Variants in ANK2 observed in about 807,000 individuals in gnomAD.
ANK2 encodes the protein ankyrin-2.
Under a neutral mutation model 360.5 loss-of-function variants are expected in ANK2, and 83 were observed. The ratio of observed to expected loss-of-function variants is 0.23; its 90% CI spans 0.19 to 0.28. The LOEUF is 0.28. Ranked by LOEUF, ANK2 falls within the 10% of genes least tolerant of loss-of-function variation. The pLI is 1.00. For synonymous variants in ANK2, 1,740 were observed against 1,759.5 expected, an observed-to-expected ratio of 0.99 and a Z score of 0.28; for missense variants, 4,201 against 4,795.7, an observed-to-expected ratio of 0.88 and a Z score of 3.66.
intron 11 of ANK2, among the ~76,000 whole-genome samples, chr4:113,256,695 C>T (rs146676615): frequency 1.1e-4 from 17 of 152,254 alleles, no homozygotes; most frequent in Admixed American, 5.2e-4. Flanking sequence ...TATGTGTTTA[C>T]ATGGTTTGTG....
intron 39 of ANK2, among the ~76,000 whole-genome samples, chr4:113,361,983 C>T (rs576825104): frequency 1.3e-5 from 2 of 152,196 alleles, no homozygotes; most frequent in South Asian, 4.2e-4. Flanking sequence ...AGCCGTGTGC[C>T]TCAGAAGTAA....
intron 4 of ANK2, among the ~76,000 whole-genome samples, chr4:113,212,214 T>G (rs1055644382): frequency 2.6e-4 from 40 of 152,348 alleles, no homozygotes; most frequent in African/African-American, 9.6e-4. Context: ...ATGAAAATTG[T>G]AATCTGTATT....
At chr4:112,811,543 A>G in the ANK2 span, among the ~76,000 whole-genome samples, 5 of 152,156 alleles carry the variant, frequency 3.3e-5, no homozygotes, top group African/African-American at 1.2e-4. Flanking sequence ...CTCTATTATA[A>G]AGTTACGATT....
intron 1 of ANK2, among the ~76,000 whole-genome samples, chr4:113,129,094 T>C (rs994805549): frequency 6.6e-6 from 1 of 152,032 alleles, no homozygotes; most frequent in Non-Finnish European, 1.5e-5. Context: ...AAATAACTAA[T>C]AAAAACAAAT....
At chr4:112,827,706 C>T in intron 1 of ANK2, 1 of 564,952 alleles carries the variant, frequency 1.8e-6, no homozygotes, top group Non-Finnish European at 3.2e-6. Flanking sequence ...GGAACATAAT[C>T]ACCAATATGA....
intron 1 of ANK2, among the ~76,000 whole-genome samples, chr4:113,109,667 C>T (rs970355387): frequency 6.6e-6 from 1 of 152,168 alleles, no homozygotes; most frequent in Admixed American, 6.6e-5. Flanking sequence ...GCTTGCTTAT[C>T]TTTCAGTGGT....
Position 113,232,218 on chromosome 4 carries a change from T to C in ANK2, c.442T>C (p.Tyr148His). ...AGAGAATCACATTGATGTTGTAAAA[T>C]ATTTGCTGGAAAATGGAGCTAATCA... ...AQENHIDVVK[Y>H]LLENGANQST... is the part of the protein sequence containing the mutation. Residue 148 changes from tyrosine to histidine, a missense_variant, in exon 5 of 46, where the codon TAT becomes CAT. Physicochemically the swap from Tyr to His is moderately conservative, Grantham distance 83 (BLOSUM62 2). Coordinates refer to ENST00000357077, the MANE Select transcript of ANK2 (RefSeq NM_001148.6). 3 of 1,608,480 alleles carry C rather than the reference T, an allele frequency of 1.9e-6. No individual in the cohort carries two copies. The highest frequency in any genetic ancestry group is 1.3e-5 in the African/African-American group (1 of 74,928).
chr4:113,131,133 T>A (rs1189687366), intron 1 of ANK2, among the ~76,000 whole-genome samples: 1 of 152,212 alleles, frequency 6.6e-6, no homozygotes, highest in East Asian at 1.9e-4. Context: ...CTAATCCTCC[T>A]GTTTTCAATT....
intron 1 of ANK2, chr4:113,174,009 A>T (rs2098097128): frequency 5.2e-6 from 1 of 192,504 alleles, no homozygotes; most frequent in African/African-American, 2.4e-5. Flanking sequence ...CAGTAGCTTT[A>T]ATTTCTTTAG....
intron 1 of ANK2, among the ~76,000 whole-genome samples, chr4:113,069,546 T>C (rs1346277748): frequency 6.6e-6 from 1 of 152,248 alleles, no homozygotes; most frequent in Non-Finnish European, 1.5e-5. Flanking sequence ...AATTACCTTT[T>C]GCCTTTGGCA....
intron 2 of ANK2, among the ~76,000 whole-genome samples, chr4:113,029,664 A>G (rs966006457): frequency 6.6e-6 from 1 of 152,064 alleles, no homozygotes; most frequent in African/African-American, 2.4e-5. Context: ...AATTGAAGTG[A>G]ACTGCTCAGA....
intron 1 of ANK2, among the ~76,000 whole-genome samples, chr4:113,061,013 G>A (rs2073036697): frequency 6.6e-6 from 1 of 152,084 alleles, no homozygotes; most frequent in Non-Finnish European, 1.5e-5. Flanking sequence ...TCATTACACA[G>A]CAGGGACCTC....
At chr4:112,925,493 A>G (rs543040803) in intron 2 of ANK2, among the ~76,000 whole-genome samples, 1 of 152,328 alleles carries the variant, frequency 6.6e-6, no homozygotes, top group East Asian at 1.9e-4. Flanking sequence ...TGACTATAGA[A>G]ATTATGTCCT....
chr4:113,363,268 T>C, intron 39 of ANK2, 70 bp from the exon 40 acceptor site: 1 of 1,531,086 alleles, frequency 6.5e-7, no homozygotes. Flanking sequence ...ATTTACAAAA[T>C]CACAAAGCAA....
intron 1 of ANK2, among the ~76,000 whole-genome samples, chr4:113,151,820 C>T (rs1273585945): frequency 6.6e-6 from 1 of 150,974 alleles, no homozygotes; most frequent in Admixed American, 6.6e-5. Flanking sequence ...AATCTCAGCA[C>T]TTTGGGAGGC....
At chr4:112,850,590 C>T (rs1313722787) in intron 1 of ANK2, among the ~76,000 whole-genome samples, 1 of 127,490 alleles carries the variant, frequency 7.8e-6, no homozygotes, top group Non-Finnish European at 1.6e-5. Context: ...GATCTTGGCT[C>T]ACTGCAAGCT....
intron 1 of ANK2, among the ~76,000 whole-genome samples, chr4:112,903,997 G>A (rs1485740673): frequency 6.6e-6 from 1 of 152,196 alleles, no homozygotes; most frequent in African/African-American, 2.4e-5. Flanking sequence ...GGAAGAAGAA[G>A]GGGTAGGCCA....
intron 4 of ANK2, among the ~76,000 whole-genome samples, chr4:113,212,901 C>T (rs1053481835): frequency 1.3e-5 from 2 of 152,226 alleles, no homozygotes; most frequent in Non-Finnish European, 1.5e-5. Flanking sequence ...ATAACAAAGT[C>T]AGTTTGTGTG....
the ANK2 span, chr4:112,788,332 G>A: frequency 6.5e-7 from 1 of 1,549,814 alleles, no homozygotes; most frequent in Non-Finnish European, 8.8e-7. Flanking sequence ...CCTTCCTCTT[G>A]ATAATGCACT....
Sources: allele counts gnomAD v4.1 joint callset (sites outside exome capture counted in the v4.1 genomes callset), GRCh38; gene constraint gnomAD v4.1.1; transcripts MANE v1.5; gene names NCBI Gene and HGNC (gene_info 2026-07-23, HGNC 2026-07-21).